Variants in LOC122539214 observed in about 807,000 individuals in gnomAD.
At chr19:52,689,951 C>A in the LOC122539214 span, among the ~76,000 whole-genome samples, 1 of 152,176 alleles carries the variant, frequency 6.6e-6, no homozygotes, top group African/African-American at 2.4e-5. Flanking sequence ...TGGGGAGCAG[C>A]AGGGCCCGGC....
chr19:52,670,357 A>G, the LOC122539214 span, among the ~76,000 whole-genome samples: 1 of 152,198 alleles, frequency 6.6e-6, no homozygotes. Context: ...CCTCGCCAAT[A>G]GGGGAATGAC....
chr19:52,678,839 G>A, the LOC122539214 span, among the ~76,000 whole-genome samples: 1 of 151,892 alleles, frequency 6.6e-6, no homozygotes, highest in South Asian at 2.1e-4. Flanking sequence ...GCCAAGTGTG[G>A]TGGTACATGC....
At chr19:52,683,798 G>T in the LOC122539214 span, among the ~76,000 whole-genome samples, 8 of 152,126 alleles carry the variant, frequency 5.3e-5, no homozygotes, top group African/African-American at 1.9e-4. Flanking sequence ...CCTCACATTT[G>T]CCCCAGCCCC....
chr19:52,687,593 T>A, the LOC122539214 span, among the ~76,000 whole-genome samples: 1 of 35,602 alleles, frequency 2.8e-5, no homozygotes, highest in African/African-American at 3.1e-4. Flanking sequence ...TATATATATA[T>A]ATAATGTATA....
chr19:52,688,843 T>G, the LOC122539214 span, among the ~76,000 whole-genome samples: 1 of 151,860 alleles, frequency 6.6e-6, no homozygotes, highest in Admixed American at 6.6e-5. Context: ...AGTTTTCCTC[T>G]GCCTGTCAAG....
the LOC122539214 span, among the ~76,000 whole-genome samples, chr19:52,658,779 C>G: frequency 6.6e-6 from 1 of 152,110 alleles, no homozygotes. Context: ...ATTAACTAAC[C>G]TTTGAGCCAG....
the LOC122539214 span, among the ~76,000 whole-genome samples, chr19:52,675,678 G>A: frequency 4.6e-5 from 7 of 152,266 alleles, no homozygotes; most frequent in South Asian, 1.4e-3. Flanking sequence ...CCAGATCAAT[G>A]TACCATGTGA....
the LOC122539214 span, chr19:52,690,434 G>A: frequency 5.5e-6 from 1 of 181,326 alleles, no homozygotes; most frequent in Non-Finnish European, 1.2e-5. Context: ...ACAAAACAGC[G>A]AAACTCACCG....
At chr19:52,672,217 G>C in the LOC122539214 span, among the ~76,000 whole-genome samples, 1 of 152,270 alleles carries the variant, frequency 6.6e-6, no homozygotes, top group Admixed American at 6.5e-5. Context: ...CTGAGCAAAA[G>C]AGTGAGATTC....
the LOC122539214 span, among the ~76,000 whole-genome samples, chr19:52,679,045 T>G: frequency 6.6e-6 from 1 of 151,776 alleles, no homozygotes; most frequent in East Asian, 1.9e-4. Context: ...CTTAATAAGA[T>G]TGATGAAAAC....
the LOC122539214 span, among the ~76,000 whole-genome samples, chr19:52,687,633 G>GTGTATATA: frequency 1.4e-3 from 38 of 27,840 alleles, 8 homozygotes; most frequent in African/African-American, 0.011. Context: ...TATATATAAT[G>GTGTATATA]TATATATATA....
the LOC122539214 span, among the ~76,000 whole-genome samples, chr19:52,662,614 G>C: frequency 6.6e-6 from 1 of 152,096 alleles, no homozygotes; most frequent in Admixed American, 6.5e-5. Flanking sequence ...TATTACACCT[G>C]AGCATTACCA....
At chr19:52,673,703 G>A in the LOC122539214 span, among the ~76,000 whole-genome samples, 1 of 151,462 alleles carries the variant, frequency 6.6e-6, no homozygotes. Context: ...TAGCCTGGGT[G>A]ACAGAGTGAG....
At chr19:52,660,035 C>A in the LOC122539214 span, among the ~76,000 whole-genome samples, 1 of 151,882 alleles carries the variant, frequency 6.6e-6, no homozygotes, top group African/African-American at 2.4e-5. Flanking sequence ...ACTAAAAATA[C>A]AAAAAATTAG....
chr19:52,679,876 C>T, the LOC122539214 span, among the ~76,000 whole-genome samples: 7 of 152,156 alleles, frequency 4.6e-5, no homozygotes, highest in East Asian at 3.9e-4. Context: ...AACAATGACA[C>T]GTACATCAAA....
the LOC122539214 span, chr19:52,660,802 T>G: frequency 4.8e-6 from 1 of 209,236 alleles, no homozygotes; most frequent in Non-Finnish European, 1.0e-5. Flanking sequence ...TTTGGTCTTC[T>G]TGGTGGCTTT....
the LOC122539214 span, among the ~76,000 whole-genome samples, chr19:52,683,522 A>AGC: frequency 2.4e-5 from 2 of 84,222 alleles, no homozygotes; most frequent in East Asian, 2.8e-4. Flanking sequence ...AAGGGAATCC[A>AGC]AAGGGAAGGG....
chr19:52,658,802 C>T, the LOC122539214 span, among the ~76,000 whole-genome samples: 3 of 152,008 alleles, frequency 2.0e-5, no homozygotes, highest in South Asian at 4.2e-4. Flanking sequence ...GGCCCTCTAG[C>T]GGGAGGCTGA....
the LOC122539214 span, among the ~76,000 whole-genome samples, chr19:52,686,168 T>C: frequency 2.0e-5 from 3 of 152,118 alleles, no homozygotes; most frequent in African/African-American, 7.2e-5. Context: ...CAAACTTCTG[T>C]ATGAGGTACC....
Sources: gnomAD v4.1 joint callset for allele counts (sites outside exome capture counted in the v4.1 genomes callset) on GRCh38, gnomAD v4.1.1 for gene constraint, MANE v1.5 for transcripts.